CSMD1: variants seen among roughly 807,000 people sequenced by gnomAD.
CSMD1 encodes CUB and sushi domain-containing protein 1.
A neutral mutation model predicts 417.5 loss-of-function variants in CSMD1; 213 were observed. The observed-to-expected ratio is 0.51, with a 90% CI of 0.46 to 0.57. CSMD1 has a LOEUF of 0.57. Among genes scored for constraint, CSMD1 ranks in the 20% least tolerant of loss-of-function variants. The pLI, the probability that CSMD1 is intolerant of heterozygous loss-of-function variation, is 0.00. For synonymous variants in CSMD1, 2,862 were observed against 1,736.8 expected (o/e 1.65, Z -16.11); for missense variants, 6,923 against 4,529.7 (o/e 1.53, Z -15.17).
At chr8:4,424,165 A>T (rs1356371839) in intron 2 of CSMD1, among the ~76,000 whole-genome samples, 1 of 152,036 alleles carries the variant, frequency 6.6e-6, no homozygotes, top group African/African-American at 2.4e-5. Flanking sequence ...CCAAAATTAC[A>T]AACCAGAAAA....
At chr8:4,061,724 A>C (rs2552157) in intron 3 of CSMD1, among the ~76,000 whole-genome samples, 1 of 152,124 alleles carries the variant, frequency 6.6e-6, no homozygotes, top group African/African-American at 2.4e-5. Flanking sequence ...TTCCTTACCA[A>C]ATTAATTATT....
chr8:3,940,103 C>T (rs1810774225), intron 5 of CSMD1, among the ~76,000 whole-genome samples: 1 of 152,104 alleles, frequency 6.6e-6, no homozygotes. Context: ...ATACGCCTTA[C>T]ACATTTTCTT....
chr8:3,095,132 C>G (rs1441005740), intron 47 of CSMD1, among the ~76,000 whole-genome samples: 1 of 152,032 alleles, frequency 6.6e-6, no homozygotes. Flanking sequence ...AAAAGCATGG[C>G]CAGTATATTT....
At chr8:4,847,280 G>C (rs1000494518) in intron 1 of CSMD1, among the ~76,000 whole-genome samples, 7 of 152,124 alleles carry the variant, frequency 4.6e-5, no homozygotes. Flanking sequence ...GAATCTCAAA[G>C]AAGATTTTAA....
chr8:4,512,230 A>C (rs1563245506), intron 2 of CSMD1, among the ~76,000 whole-genome samples: 1 of 152,218 alleles, frequency 6.6e-6, no homozygotes, highest in Non-Finnish European at 1.5e-5. Context: ...AACAAAATCC[A>C]ATACATATTT....
At chr8:4,347,816 A>G (rs1466349822) in intron 3 of CSMD1, among the ~76,000 whole-genome samples, 1 of 148,960 alleles carries the variant, frequency 6.7e-6, no homozygotes, top group African/African-American at 2.5e-5. Flanking sequence ...ACTTAAACAG[A>G]TATTATATCT....
chr8:3,485,538 C>CACACACACACAGAGAGAGAGAG (rs376214281), intron 11 of CSMD1, among the ~76,000 whole-genome samples: 3 of 134,922 alleles, frequency 2.2e-5, no homozygotes, highest in Non-Finnish European at 4.6e-5. Context: ...CACACACACA[C>CACACACACACAGAGAGAGAGAG]AGAGAGAGAG....
At chr8:4,053,339 A>T (rs1475397831) in intron 3 of CSMD1, among the ~76,000 whole-genome samples, 1 of 152,190 alleles carries the variant, frequency 6.6e-6, no homozygotes, top group African/African-American at 2.4e-5. Context: ...ACTGACCTTT[A>T]GTTAGTTTTA....
chr8:3,332,931 C>T (rs1034489580), intron 23 of CSMD1, among the ~76,000 whole-genome samples: 25 of 152,256 alleles, frequency 1.6e-4, no homozygotes, highest in African/African-American at 5.3e-4. Context: ...TCTGTTCTGT[C>T]GATGCTGAGT....
intron 3 of CSMD1, among the ~76,000 whole-genome samples, chr8:4,052,193 G>A (rs1798468324): frequency 2.0e-5 from 3 of 152,226 alleles, no homozygotes; most frequent in Admixed American, 1.3e-4. Flanking sequence ...CGAAAGTGCT[G>A]GGGTTACAGG....
chr8:3,544,869 T>C (rs1406727733), intron 10 of CSMD1, among the ~76,000 whole-genome samples: 1 of 152,170 alleles, frequency 6.6e-6, no homozygotes, highest in Non-Finnish European at 1.5e-5. Flanking sequence ...CTATAGTAAG[T>C]AAAATGTCAA....
At chr8:4,211,862 T>G (rs1800331755) in intron 3 of CSMD1, among the ~76,000 whole-genome samples, 1 of 152,180 alleles carries the variant, frequency 6.6e-6, no homozygotes, top group African/African-American at 2.4e-5. Context: ...CTAACTTGCT[T>G]TAATAACCCA....
chr8:4,565,500 G>C (rs1032954061), intron 2 of CSMD1, among the ~76,000 whole-genome samples: 2 of 152,006 alleles, frequency 1.3e-5, no homozygotes, highest in African/African-American at 2.4e-5. Context: ...CACTTAAGGA[G>C]GTCAAGGTGG....
chr8:4,640,551 T>C (rs1292145945), intron 1 of CSMD1, among the ~76,000 whole-genome samples: 3 of 152,212 alleles, frequency 2.0e-5, no homozygotes, highest in Admixed American at 1.3e-4. Flanking sequence ...TTGCCTACTA[T>C]AGAGTATGCA....
intron 67 of CSMD1, 149 bp from the exon 68 acceptor site, chr8:2,949,535 G>T: frequency 2.2e-6 from 1 of 449,160 alleles, no homozygotes; most frequent in Non-Finnish European, 3.9e-6. Flanking sequence ...GGCTTTTGGT[G>T]ACACATTTAT....
intron 10 of CSMD1, among the ~76,000 whole-genome samples, chr8:3,514,059 C>T (rs1300149669): frequency 6.6e-6 from 1 of 151,970 alleles, no homozygotes; most frequent in East Asian, 1.9e-4. Flanking sequence ...TTAGGAACAC[C>T]CTGTGTTCTT....
chr8:2,944,558 T>C (rs1802091236), intron 68 of CSMD1, among the ~76,000 whole-genome samples: 1 of 152,186 alleles, frequency 6.6e-6, no homozygotes, highest in Non-Finnish European at 1.5e-5. Flanking sequence ...GTCACAAAAA[T>C]GTAACTTTCC....
At chr8:4,269,816 A>G (rs1804460626) in intron 3 of CSMD1, among the ~76,000 whole-genome samples, 1 of 152,210 alleles carries the variant, frequency 6.6e-6, no homozygotes, top group African/African-American at 2.4e-5. Flanking sequence ...GAAGTCTCAG[A>G]ATTACAAGTA....
At chr8:4,209,077 G>C (rs573168204) in intron 3 of CSMD1, among the ~76,000 whole-genome samples, 16 of 151,774 alleles carry the variant, frequency 1.1e-4, no homozygotes, top group Non-Finnish European at 7.4e-5. Context: ...TTCTTTTTTT[G>C]TCCTCTCTTC....
Sources: gnomAD v4.1 joint callset for allele counts (sites outside exome capture counted in the v4.1 genomes callset) on GRCh38, gnomAD v4.1.1 for gene constraint, MANE v1.5 for transcripts, NCBI Gene and HGNC (gene_info 2026-07-23, HGNC 2026-07-21) for gene names.